VNN1: variants seen among roughly 807,000 people sequenced by gnomAD.
VNN1 encodes vanin 1.
VNN1 carries 29 observed loss-of-function variants against 41.9 expected under a neutral mutation model. The observed-to-expected ratio is 0.69, with a 90% confidence interval of 0.52 to 0.94. The LOEUF (loss-of-function observed/expected upper bound fraction) is 0.94, where lower values mean the gene tolerates loss of function less well. Among genes scored for constraint, VNN1 ranks in the 40% least tolerant of loss-of-function variants. The pLI, the probability that VNN1 is intolerant of heterozygous loss-of-function variation, is 0.00. For synonymous variants in VNN1, 233 were observed against 224.4 expected (o/e 1.04, Z -0.34); for missense variants, 637 against 621.1 (o/e 1.03, Z -0.27).
rs1034713449 is a variant in VNN1 at position 132,681,032 on chromosome 6, A to T, written c.*2108T>A. ...TATATACAGATATAAATATAAATAC[A>T]TATATTCACTATGATAGCATCCAAA... On this transcript the variant is annotated 3_prime_UTR_variant, in exon 7 of 7. Transcript: ENST00000367928. Among the ~76,000 whole-genome samples, 2 of 152,312 alleles carry T rather than the reference A, an allele frequency of 1.3e-5. No individual in the cohort carries two copies. The highest frequency in any genetic ancestry group is 2.9e-5 in the Non-Finnish European group (2 of 68,030).
chr6:132,690,069 G>A (rs566208641), intron 5 of VNN1, among the ~76,000 whole-genome samples: 62 of 152,256 alleles, frequency 4.1e-4, no homozygotes, highest in African/African-American at 1.5e-3. Flanking sequence ...TCCATGCCCT[G>A]CTTTTATTCC....
chr6:132,684,461 G>T lies in VNN1; in HGVS notation c.1233C>A (p.Cys411Ter). The T allele has an allele frequency of 6.2e-7, 1 of 1,614,050 alleles. No individual in the cohort carries two copies. Among genetic ancestry groups the T allele is most frequent in the Non-Finnish European group, 8.5e-7 (1 of 1,179,976 alleles). Reference protein sequence around the residue: ...LKCKTTNLNTCGDSAETASTR... With the variant: ...LKCKTTNLNT ...TAGAAGCTGTTTCAGCTGAGTCACCGCAAGTGTTTAAATTAGTCGTTTTAC... is the reference window on the plus strand; with the variant it reads ...TAGAAGCTGTTTCAGCTGAGTCACCTCAAGTGTTTAAATTAGTCGTTTTAC... Residue 411 changes from cysteine (C) to a stop codon, truncating the protein, a stop_gained, in exon 6 of 7, where the codon TGC becomes TGA. Transcript: ENST00000367928. LOFTEE classifies it high-confidence loss of function.
rs1038545870 is a variant in VNN1 at position 132,682,275 on chromosome 6, A to C, written c.*865T>G. On this transcript the variant is annotated 3_prime_UTR_variant, in exon 7 of 7. Coordinates refer to ENST00000367928, the MANE Select transcript of VNN1 (RefSeq NM_004666.3). The stretch of plus-strand genomic sequence containing the variant: ...TTCTTACCAGGTAAGCCTTTTGTTG[A>C]AGCTTCAGATTACAGTAGAAAACAG... The C allele has an allele frequency of 1.3e-5, 2 of 152,200 alleles. No homozygotes were observed. The highest frequency in any genetic ancestry group is 2.9e-5 in the Non-Finnish European group (2 of 68,070). 9.4% of individuals were successfully genotyped at this position (152,200 alleles called of 1,614,324 possible).
chr6:132,690,952 A>G (rs2114341725), intron 5 of VNN1, among the ~76,000 whole-genome samples: 1 of 152,340 alleles, frequency 6.6e-6, no homozygotes, highest in Admixed American at 6.5e-5. Flanking sequence ...CCTCTTGGTG[A>G]CGATAACACC....
At position 132,693,258 on chromosome 6, in the gene VNN1, T is replaced by C; in HGVS notation, c.592A>G (p.Thr198Ala). 3 of 1,614,040 alleles carry C rather than the reference T, an allele frequency of 1.9e-6. No homozygotes were observed. Among genetic ancestry groups the C allele is most frequent in the Non-Finnish European group, 2.5e-6 (3 of 1,179,944 alleles). Residue 198 changes from threonine to alanine, a missense_variant, in exon 4 of 7, where the codon ACT becomes GCT. Transcript: ENST00000367928. ...AAACTTCCAAAGGTGGTATTGAAAGTCACAATCTCAGGCTCCTTGGGTACA... is the reference window on the plus strand; with the variant it reads ...AAACTTCCAAAGGTGGTATTGAAAGCCACAATCTCAGGCTCCTTGGGTACA... ...FNVPKEPEIVTFNTTFGSFGI... is the reference protein window; with the variant it reads ...FNVPKEPEIVAFNTTFGSFGI...
chr6:132,692,968 T>C (rs1291719036), intron 4 of VNN1, 56 bp downstream of exon 4: 16 of 1,504,800 alleles, frequency 1.1e-5, no homozygotes, highest in African/African-American at 1.4e-5. Flanking sequence ...ACATGTTTTT[T>C]TTTTCTTTTC....
intron 2 of VNN1, among the ~76,000 whole-genome samples, chr6:132,708,970 T>C (rs1047278987): frequency 7.2e-5 from 11 of 152,194 alleles, no homozygotes; most frequent in Non-Finnish European, 5.9e-5. Context: ...TCCTTCAGCC[T>C]GGAATGCACT....
At chr6:132,687,381 C>A (rs767479010) in intron 5 of VNN1, among the ~76,000 whole-genome samples, 5 of 152,114 alleles carry the variant, frequency 3.3e-5, no homozygotes, top group Non-Finnish European at 7.4e-5. Context: ...CTGTTAACAA[C>A]AAGAAAGAGG....
Position 132,692,476 on chromosome 6 carries a change from G to A in VNN1, c.935C>T (p.Ala312Val), listed in dbSNP as rs1307973655. The change falls in exon 5 of 7, where the codon GCA becomes GTA. Residue 312 changes from alanine (A) to valine (V), a missense_variant. Transcript: ENST00000367928. ...GGCATAGGAAGTCCAGTTCACCACT[G>A]CAGAATGGGATGGGTGGGAATCCAG... ...SQLDSHPSHS[A>V]VVNWTSYASS... 3.7e-6 allele frequency: 6 copies of A among 1,613,846 alleles called. No homozygotes were observed. The Admixed American group carries it at 6.7e-5, about 18-fold the overall frequency.
Position 132,692,584 on chromosome 6 carries a change from C to T in VNN1, c.827G>A (p.Gly276Glu). The T allele has an allele frequency of 1.9e-6, 3 of 1,557,326 alleles. No individual in the cohort carries two copies. The highest frequency in any genetic ancestry group is 2.6e-6 in the Non-Finnish European group (3 of 1,160,248). ...AGAATTGGGTGCATAGATGCCACTTCCTGGAAGTAATAAGTTGAAAACATC... is the reference window on the plus strand; with the variant it reads ...AGAATTGGGTGCATAGATGCCACTTTCTGGAAGTAATAAGTTGAAAACATC... The part of the protein sequence containing the change: ...NIHYPSKKMT[G>E]SGIYAPNSSR... Residue 276 changes from glycine (G) to glutamate (E), a missense_variant and splice_region_variant, in exon 5 of 7, where the codon GGA becomes GAA. Gly to Glu is a moderately conservative substitution (Grantham distance 98, BLOSUM62 -2). Transcript: ENST00000367928.
chr6:132,684,828 G>A (rs1040914887), intron 5 of VNN1, among the ~76,000 whole-genome samples: 34 of 151,998 alleles, frequency 2.2e-4, no homozygotes, highest in Non-Finnish European at 4.3e-4. Context: ...GAGTCATCCA[G>A]TTTATCACTG....
intron 2 of VNN1, among the ~76,000 whole-genome samples, chr6:132,706,542 C>T (rs1274889796): frequency 1.3e-5 from 2 of 152,158 alleles, no homozygotes; most frequent in Non-Finnish European, 2.9e-5. Context: ...TGACCTCAAA[C>T]TATGAAACTA....
chr6:132,693,867 TC>T, intron 3 of VNN1, 122 bp downstream of exon 3: 2 of 1,142,666 alleles, frequency 1.8e-6, no homozygotes, highest in Non-Finnish European at 1.2e-6. Flanking sequence ...ATCATTACTT[TC>T]TATGCTTTGC....
intron 5 of VNN1, among the ~76,000 whole-genome samples, chr6:132,687,560 G>A (rs1215143775): frequency 6.6e-6 from 1 of 152,186 alleles, no homozygotes; most frequent in Non-Finnish European, 1.5e-5. Context: ...TGACTAGACA[G>A]CGTTGACTAC....
At position 132,681,399 on chromosome 6, in the gene VNN1, G is replaced by A. The variant is rs1009481161; in HGVS notation, c.*1741C>T. Among the ~76,000 whole-genome samples, 1 of 152,128 alleles carries A rather than the reference G, an allele frequency of 6.6e-6. No individual in the cohort carries two copies. The highest frequency in any genetic ancestry group is 1.5e-5 in the Non-Finnish European group (1 of 68,016). Reference sequence around the variant, plus strand: ...GAGATGATGGCAGCCCTGGGGACAAGTTAACTACAACTTTCCAAAGGCCCT... The same window carrying A: ...GAGATGATGGCAGCCCTGGGGACAAATTAACTACAACTTTCCAAAGGCCCT... On this transcript the variant is annotated 3_prime_UTR_variant, in exon 7 of 7. Coordinates refer to ENST00000367928, the MANE Select transcript of VNN1 (RefSeq NM_004666.3).
At position 132,686,027 on chromosome 6, in the gene VNN1, G is replaced by A. The variant is rs149291992; in HGVS notation, c.1189-1522C>T. On this transcript the variant is annotated intron_variant, in intron 5 of 6. Coordinates refer to ENST00000367928, the MANE Select transcript of VNN1 (RefSeq NM_004666.3). ...AGCAAGGATTTATCTTTCAGGAATA[G>A]GGTTGCCAGGTAAAACACAGGACAA... 2.3e-3 allele frequency among the ~76,000 whole-genome samples: 353 copies of A among 152,198 alleles called. 1 individual carries two copies. Among genetic ancestry groups the A allele is most frequent in the African/African-American group, 7.6e-3 (317 of 41,524 alleles).
intron 2 of VNN1, among the ~76,000 whole-genome samples, chr6:132,711,246 G>A (rs183408586): frequency 3.3e-5 from 5 of 152,160 alleles, no homozygotes; most frequent in African/African-American, 1.2e-4. Context: ...CTCTGTAGCC[G>A]AGACCTGACT....
chr6:132,691,243 AAAAC>A (rs35120181), intron 5 of VNN1, among the ~76,000 whole-genome samples: 6,816 of 152,304 alleles, frequency 0.045, 337 homozygotes, highest in South Asian at 0.14. Flanking sequence ...ATTATAATCA[AAAAC>A]AGCTTTTTGT....
At chr6:132,698,182 T>A (rs1257042462) in intron 2 of VNN1, among the ~76,000 whole-genome samples, 1 of 152,220 alleles carries the variant, frequency 6.6e-6, no homozygotes, top group Non-Finnish European at 1.5e-5. Context: ...GAGTCCTTAA[T>A]CCATGCAGAG....
Sources: allele counts gnomAD v4.1 joint callset (sites outside exome capture counted in the v4.1 genomes callset), GRCh38; gene constraint gnomAD v4.1.1; transcripts MANE v1.5; gene names NCBI Gene and HGNC (gene_info 2026-07-23, HGNC 2026-07-21).